The following ANP32E variants were observed in gnomAD, a reference collection of about 807,000 sequenced individuals.
ANP32E encodes acidic leucine-rich nuclear phosphoprotein 32 family member E.
ANP32E carries 14 observed loss-of-function variants against 35.3 expected under a neutral mutation model. The observed-to-expected ratio is 0.40, with a 90% confidence interval of 0.26 to 0.62. ANP32E has a LOEUF of 0.62. Ranked by LOEUF, ANP32E falls within the 20% of genes least tolerant of loss-of-function variation. The pLI is 0.45. For synonymous variants in ANP32E, 89 were observed against 110.4 expected (o/e 0.81, Z 1.22); for missense variants, 198 against 304.4 (o/e 0.65, Z 2.60).
At position 150,223,235 on chromosome 1, in the gene ANP32E, T is replaced by A. The variant is rs141827042; in HGVS notation, c.687A>T (p.Glu229Asp). The A allele has an allele frequency of 2.2e-3, 3,429 of 1,528,960 alleles. 8 individuals carry two copies. Among genetic ancestry groups the A allele is most frequent in the Non-Finnish European group, 2.5e-3 (2,809 of 1,126,480 alleles). The allele number at this position is 1,528,960 out of a possible 1,614,324, so 94.7% of individuals were successfully genotyped here. A position where few individuals can be genotyped will look rare whatever the true frequency, so the allele number is the denominator to read the frequency against. The stretch of plus-strand genomic sequence containing the variant: ...CTTCAACATAGTCATCATCATCTTC[T>A]TCATCCTTGAAATTCAAATATTCAG... ...SYLMKEEIQDEEDDDDYVEEG... is the reference protein window; with the variant it reads ...SYLMKEEIQDDEDDDDYVEEG... The change falls in exon 6 of 7, where the codon GAA (glutamate) becomes GAT (aspartate). Residue 229 changes from glutamate (E) to aspartate (D), a missense_variant. By Grantham distance (45) the Glu-to-Asp change is conservative (BLOSUM62 2). Coordinates refer to ENST00000583931, the MANE Select transcript of ANP32E (RefSeq NM_030920.5).
chr1:150,220,764 TAA>T lies in ANP32E; in HGVS notation c.737-5_737-4del. The T allele has an allele frequency of 6.2e-7, 1 of 1,612,766 alleles. No individual in the cohort carries two copies. Among genetic ancestry groups the T allele is most frequent in the Non-Finnish European group, 8.5e-7 (1 of 1,179,022 alleles). On this transcript the variant is annotated splice_region_variant and splice_polypyrimidine_tract_variant and intron_variant, in intron 6 of 6. Coordinates refer to ENST00000583931, the MANE Select transcript of ANP32E (RefSeq NM_030920.5). Reference sequence around the variant, plus strand: ...CTCCCCTCGAAGACCTCCTTCTTCTTAAAGAGTGGAAAGAAAAATGCAAAGTG... The same window carrying T: ...CTCCCCTCGAAGACCTCCTTCTTCTTAGAGTGGAAAGAAAAATGCAAAGTG...
At chr1:150,220,863 G>A (rs58395667) in intron 6 of ANP32E, 102 bp from the exon 7 acceptor site, 120,666 of 950,986 alleles carry the variant, frequency 0.13, 9,484 homozygotes, top group African/African-American at 0.3. Context: ...GGCCTAGCAC[G>A]GTGGCTCACA....
intron 1 of ANP32E, among the ~76,000 whole-genome samples, chr1:150,232,772 C>G (rs1553842179): frequency 1.3e-5 from 2 of 152,066 alleles, no homozygotes; most frequent in Non-Finnish European, 2.9e-5. Context: ...CTTGCCTGGC[C>G]ATTTTTTAAA....
intron 4 of ANP32E, among the ~76,000 whole-genome samples, chr1:150,227,444 G>A (rs587689089): frequency 6.6e-6 from 1 of 152,202 alleles, no homozygotes; most frequent in Admixed American, 6.6e-5. Flanking sequence ...CATGTCCTTT[G>A]CAGCAACATA....
At chr1:150,228,999 G>A (rs1649115318) in intron 4 of ANP32E, 73 bp downstream of exon 4, 1 of 1,374,728 alleles carries the variant, frequency 7.3e-7, no homozygotes, top group Admixed American at 2.5e-5. Flanking sequence ...TAAATTTCCA[G>A]GCCCAATCTA....
intron 6 of ANP32E, among the ~76,000 whole-genome samples, chr1:150,222,402 G>T (rs587609567): frequency 2.1e-5 from 3 of 142,492 alleles, no homozygotes; most frequent in South Asian, 4.5e-4. Context: ...CTGGGCAACA[G>T]AGCGAGACTC....
intron 4 of ANP32E, among the ~76,000 whole-genome samples, chr1:150,228,117 TTTTG>T (rs1442619668): frequency 1.3e-5 from 2 of 151,582 alleles, no homozygotes; most frequent in Non-Finnish European, 2.9e-5. Flanking sequence ...TGCTTTTTTG[TTTTG>T]TTTTTGAGAC....
rs1025035342 is a variant in ANP32E at position 150,222,109 on chromosome 1, A to C, written c.736+1077T>G. On this transcript the variant is annotated intron_variant, in intron 6 of 6. Transcript: ENST00000583931. ...CAAAACAATAAAATGAAATAAAATAAAATAAAATAAAATAAAATAAAATAA... is the reference window on the plus strand; with the variant it reads ...CAAAACAATAAAATGAAATAAAATACAATAAAATAAAATAAAATAAAATAA... Among the ~76,000 whole-genome samples, 12 of 95,670 alleles carry C rather than the reference A, an allele frequency of 1.3e-4. 1 individual carries two copies. Among genetic ancestry groups the C allele is most frequent in the Non-Finnish European group, 2.4e-4 (12 of 50,672 alleles). 62.8% of individuals were successfully genotyped at this position (95,670 alleles called of 152,430 possible). A position where few individuals can be genotyped will look rare whatever the true frequency, so the allele number is the denominator to read the frequency against.
chr1:150,229,109 A>C lies in ANP32E; in HGVS notation c.456T>G (p.Asp152Glu). Residue 152 changes from aspartate (D) to glutamate (E), a missense_variant, in exon 4 of 7, where the codon GAT becomes GAG. By Grantham distance (45) the Asp-to-Glu change is conservative. Around this residue, in one of 4 missense-constraint regions of ANP32E, gnomAD observed 121 missense variants for 137.3 expected, o/e 0.88. Transcript: ENST00000583931. ...CCTCTTCAGAGTCCGGCGCTTCATT[A>C]TCCTCCTGATCAAATCCATCTAAGT... ...ITYLDGFDQE[D>E]NEAPDSEEED... 1 of 1,613,520 alleles carries C rather than the reference A, an allele frequency of 6.2e-7. No homozygotes were observed. The highest frequency in any genetic ancestry group is 8.5e-7 in the Non-Finnish European group (1 of 1,179,878).
At chr1:150,223,681 C>A (rs1253379285) in intron 5 of ANP32E, among the ~76,000 whole-genome samples, 273 of 76,718 alleles carry the variant, frequency 3.6e-3, no homozygotes, top group Non-Finnish European at 3.9e-3. Flanking sequence ...GGCTTCATCT[C>A]AAAAAAAAAA....
At chr1:150,234,885 A>T (rs1649652447) in intron 1 of ANP32E, among the ~76,000 whole-genome samples, 2 of 152,254 alleles carry the variant, frequency 1.3e-5, no homozygotes, top group South Asian at 4.1e-4. Flanking sequence ...TTAAGGCGAC[A>T]GCAGTGAGAG....
chr1:150,233,264 CAAAAAA>C (rs60732970), intron 1 of ANP32E, among the ~76,000 whole-genome samples: 6 of 86,414 alleles, frequency 6.9e-5, no homozygotes, highest in Admixed American at 1.3e-4. Flanking sequence ...GACTCTATCT[CAAAAAA>C]AAAAAAAAAA....
intron 3 of ANP32E, among the ~76,000 whole-genome samples, chr1:150,229,564 C>T (rs919894319): frequency 5.3e-5 from 8 of 152,162 alleles, no homozygotes; most frequent in Non-Finnish European, 7.3e-5. Context: ...ACCACACCTC[C>T]GCCTCCCGGG....
intron 4 of ANP32E, 115 bp from the exon 5 acceptor site, chr1:150,226,910 G>T: frequency 1.5e-6 from 2 of 1,323,858 alleles, no homozygotes; most frequent in Non-Finnish European, 2.0e-6. Flanking sequence ...TAGGTGGAAA[G>T]TAACTCACAG....
intron 1 of ANP32E, chr1:150,234,811 C>CTTT: frequency 3.4e-6 from 1 of 290,108 alleles, no homozygotes; most frequent in Non-Finnish European, 5.2e-6. Context: ...GAAACGCCTC[C>CTTT]TACCCGACCC....
At chr1:150,233,805 A>G (rs1431684157) in intron 1 of ANP32E, among the ~76,000 whole-genome samples, 2 of 152,170 alleles carry the variant, frequency 1.3e-5, no homozygotes, top group African/African-American at 2.4e-5. Flanking sequence ...TTTGGAGAAG[A>G]GGAAACTATG....
intron 1 of ANP32E, among the ~76,000 whole-genome samples, chr1:150,233,547 A>G (rs1649543740): frequency 6.6e-6 from 1 of 152,116 alleles, no homozygotes; most frequent in Admixed American, 6.6e-5. Context: ...ACTTTTCCCC[A>G]TTCCTCAAGG....
Position 150,226,673 on chromosome 1 carries a change from C to A in ANP32E, c.616G>T (p.Gly206Cys), listed in dbSNP as rs587648606. 2 of 1,606,870 alleles carry A rather than the reference C, an allele frequency of 1.2e-6. No individual in the cohort carries two copies. Among genetic ancestry groups the A allele is most frequent in the South Asian group, 2.2e-5 (2 of 90,730 alleles). ...EDEDEDEDEA[G>C]SELGEGEEEV... is the part of the protein sequence containing the mutation. ...TCTTCTCCCTCTCCCAACTCTGAAC[C>A]TGCTTCATCTTCATCTTCATCCTCA... Residue 206 changes from glycine (G) to cysteine (C), a missense_variant, in exon 5 of 7, where the codon GGT becomes TGT. This residue lies in a region of ANP32E where 121 missense variants were observed against 137.3 expected (regional missense o/e 0.88). Transcript: ENST00000583931.
intron 5 of ANP32E, among the ~76,000 whole-genome samples, chr1:150,223,751 A>AT (rs112484615): frequency 0.11 from 12,288 of 112,492 alleles, 780 homozygotes; most frequent in Non-Finnish European, 0.16. Context: ...TTATTTATTT[A>AT]TTTTTTTTTT....
Sources: allele counts gnomAD v4.1 joint callset (sites outside exome capture counted in the v4.1 genomes callset), GRCh38; gene constraint gnomAD v4.1.1; regional missense constraint gnomAD v4.1.1; transcripts MANE v1.5; gene names NCBI Gene and HGNC (gene_info 2026-07-23, HGNC 2026-07-21).